Variants in GSK3B observed in about 807,000 individuals in gnomAD.
The protein encoded by GSK3B is glycogen synthase kinase-3 beta.
Under a neutral mutation model 56.4 loss-of-function variants are expected in GSK3B, and 15 were observed. The observed-to-expected ratio is 0.27, with a 90% CI of 0.18 to 0.41. The LOEUF (loss-of-function observed/expected upper bound fraction) is 0.41, where lower values mean the gene tolerates loss of function less well. Ranked by LOEUF, GSK3B falls within the 10% of genes least tolerant of loss-of-function variation. The pLI, the probability that GSK3B is intolerant of heterozygous loss-of-function variation, is 1.00. For synonymous variants in GSK3B, 181 were observed against 188.9 expected, an observed-to-expected ratio of 0.96 and a Z score of 0.34; for missense variants, 300 against 513.4, an observed-to-expected ratio of 0.58 and a Z score of 4.02.
rs2055457152 is a variant in GSK3B at position 119,823,994 on chromosome 3, CAAT to C, written c.*2791_*2793del. ...CTATACATTGCTAGAGTTATTGTTA[CAAT>C]AATACAGGCCGGTACCTACTGTACA... On this transcript the variant is annotated 3_prime_UTR_variant, in exon 11 of 11. Coordinates refer to ENST00000264235, the MANE Select transcript of GSK3B (RefSeq NM_001146156.2). 5.0e-6 allele frequency: 1 copy of C among 199,498 alleles called. No homozygotes were observed. Among genetic ancestry groups the C allele is most frequent in the African/African-American group, 2.3e-5 (1 of 43,316 alleles). 12.4% of individuals were successfully genotyped at this position (199,498 alleles called of 1,614,324 possible).
chr3:119,861,052 C>T lies in GSK3B; in HGVS notation c.1096+2367G>A, dbSNP rs376810393. ...TCTCCTTCTTCAACCCCTTGGATTA[C>T]CCAGTTTTATTCTGGTCATCCATTA... On this transcript the variant is annotated intron_variant, in intron 9 of 10. Coordinates refer to ENST00000264235, the MANE Select transcript of GSK3B (RefSeq NM_001146156.2). 1.6e-4 allele frequency among the ~76,000 whole-genome samples: 25 copies of T among 152,290 alleles called. No homozygotes were observed. The East Asian group carries it at 4.6e-3, about 28-fold the overall frequency.
chr3:120,037,857 C>A (rs2058035117), intron 1 of GSK3B, among the ~76,000 whole-genome samples: 1 of 152,066 alleles, frequency 6.6e-6, no homozygotes, highest in South Asian at 2.1e-4. Context: ...AATAACTACA[C>A]AAACAGTCCA....
At chr3:120,011,206 C>G (rs1301052623) in intron 1 of GSK3B, among the ~76,000 whole-genome samples, 1 of 152,140 alleles carries the variant, frequency 6.6e-6, no homozygotes, top group African/African-American at 2.4e-5. Flanking sequence ...AAACAGGAGC[C>G]CCACCTTTGT....
intron 1 of GSK3B, among the ~76,000 whole-genome samples, chr3:120,058,315 A>G (rs1243746169): frequency 6.6e-6 from 1 of 152,186 alleles, no homozygotes; most frequent in Non-Finnish European, 1.5e-5. Flanking sequence ...TCAGTAATCA[A>G]TGTAAAACTT....
intron 1 of GSK3B, among the ~76,000 whole-genome samples, chr3:120,041,768 T>C (rs909123880): frequency 6.6e-6 from 1 of 152,210 alleles, no homozygotes; most frequent in African/African-American, 2.4e-5. Context: ...TCTTTATAGA[T>C]GGCTCCTCCC....
intron 3 of GSK3B, among the ~76,000 whole-genome samples, chr3:119,925,666 T>A (rs2107468274): frequency 6.6e-6 from 1 of 152,136 alleles, no homozygotes; most frequent in East Asian, 1.9e-4. Flanking sequence ...GTGGAAACAT[T>A]ACAATCAGCA....
chr3:119,886,310 T>C (rs1017266423), intron 7 of GSK3B, among the ~76,000 whole-genome samples: 1 of 152,022 alleles, frequency 6.6e-6, no homozygotes, highest in Non-Finnish European at 1.5e-5. Context: ...TCACTAATCA[T>C]CAGAGAAATG....
At chr3:119,941,800 C>T (rs1014477856) in intron 3 of GSK3B, among the ~76,000 whole-genome samples, 1 of 152,128 alleles carries the variant, frequency 6.6e-6, no homozygotes, top group South Asian at 2.1e-4. Context: ...GTGCAGATGG[C>T]GGGGAGGAGG....
chr3:119,916,267 G>T, intron 4 of GSK3B, 93 bp from the exon 5 acceptor site: 1 of 1,074,216 alleles, frequency 9.3e-7, no homozygotes, highest in Non-Finnish European at 1.4e-6. Flanking sequence ...TCTCAGAAAA[G>T]AACAGGTGAA....
At chr3:119,995,357 G>C (rs920682067) in intron 2 of GSK3B, among the ~76,000 whole-genome samples, 1 of 151,794 alleles carries the variant, frequency 6.6e-6, no homozygotes, top group Non-Finnish European at 1.5e-5. Context: ...AATATATATA[G>C]AGAGGAAGAA....
At chr3:119,986,171 T>C (rs1226738780) in intron 2 of GSK3B, among the ~76,000 whole-genome samples, 8 of 152,128 alleles carry the variant, frequency 5.3e-5, no homozygotes, top group Non-Finnish European at 1.2e-4. Flanking sequence ...TTACACCTTA[T>C]AGAAAAATTA....
At chr3:119,872,700 C>T (rs949429825) in intron 8 of GSK3B, among the ~76,000 whole-genome samples, 12 of 152,108 alleles carry the variant, frequency 7.9e-5, no homozygotes, top group Non-Finnish European at 1.8e-4. Flanking sequence ...AGTGCTACAT[C>T]CTTCACATTT....
intron 9 of GSK3B, among the ~76,000 whole-genome samples, chr3:119,851,523 C>T (rs1208865287): frequency 2.0e-5 from 3 of 152,058 alleles, no homozygotes; most frequent in Non-Finnish European, 4.4e-5. Context: ...AAGATGAGGA[C>T]AAATTTGAGA....
At chr3:119,971,960 A>G (rs2057372115) in intron 2 of GSK3B, among the ~76,000 whole-genome samples, 1 of 152,216 alleles carries the variant, frequency 6.6e-6, no homozygotes, top group Non-Finnish European at 1.5e-5. Context: ...TTCTTTAAAA[A>G]TTAAACTTAT....
chr3:120,035,369 G>A (rs1044548128), intron 1 of GSK3B, among the ~76,000 whole-genome samples: 1 of 152,184 alleles, frequency 6.6e-6, no homozygotes, highest in Non-Finnish European at 1.5e-5. Flanking sequence ...TAAACTGTGA[G>A]AAAAATTTCG....
intron 1 of GSK3B, among the ~76,000 whole-genome samples, chr3:120,064,721 G>A (rs1192626271): frequency 2.0e-5 from 3 of 152,090 alleles, no homozygotes; most frequent in African/African-American, 2.4e-5. Context: ...GAAAAAGAAC[G>A]AAGTTGGAGG....
At chr3:119,989,550 C>T (rs1052807658) in intron 2 of GSK3B, among the ~76,000 whole-genome samples, 1 of 150,940 alleles carries the variant, frequency 6.6e-6, no homozygotes, top group Admixed American at 6.6e-5. Context: ...GGGGCTGAGA[C>T]AGGAGAACTG....
chr3:120,068,390 CAAAAAAAAAA>C (rs66541739), intron 1 of GSK3B, among the ~76,000 whole-genome samples: 2 of 51,614 alleles, frequency 3.9e-5, no homozygotes, highest in Admixed American at 4.7e-4. Context: ...GACTCCGTCT[CAAAAAAAAAA>C]AAAAAAAAAA....
At chr3:120,071,727 TGTA>T (rs2058328471) in intron 1 of GSK3B, among the ~76,000 whole-genome samples, 1 of 152,148 alleles carries the variant, frequency 6.6e-6, no homozygotes, top group African/African-American at 2.4e-5. Context: ...TACATTACAA[TGTA>T]ATAATAATAA....
Sources: allele counts gnomAD v4.1 joint callset (sites outside exome capture counted in the v4.1 genomes callset), GRCh38; gene constraint gnomAD v4.1.1; transcripts MANE v1.5; gene names NCBI Gene and HGNC (gene_info 2026-07-23, HGNC 2026-07-21).